ASPRV1: variants seen among roughly 807,000 people sequenced by gnomAD.
ASPRV1 encodes the protein aspartic peptidase retroviral like 1, also known as retroviral-like aspartic protease 1.
A neutral mutation model predicts 11.0 loss-of-function variants in ASPRV1; 7 were observed. The observed-to-expected ratio is 0.64, with a 90% CI of 0.36 to 1.20. The LOEUF (loss-of-function observed/expected upper bound fraction) is 1.20. ASPRV1 is among the 50% of genes most tolerant of loss of function. ASPRV1 has a pLI of 0.02. For synonymous variants in ASPRV1, 136 were observed against 138.4 expected (o/e 0.98, Z 0.12); for missense variants, 299 against 320.0 (o/e 0.93, Z 0.50).
At chr2:70,055,175 C>G in the ASPRV1 span, among the ~76,000 whole-genome samples, 65 of 152,134 alleles carry the variant, frequency 4.3e-4, no homozygotes, top group African/African-American at 1.5e-3. Flanking sequence ...TGGTGGCGCA[C>G]GCCTGTAATC....
chr2:69,986,737 G>T, the ASPRV1 span, among the ~76,000 whole-genome samples: 1 of 152,204 alleles, frequency 6.6e-6, no homozygotes, highest in African/African-American at 2.4e-5. Flanking sequence ...GCTGGGCCAG[G>T]TGTCACCTTG....
chr2:69,965,515 T>C (rs932845472), upstream of ASPRV1, among the ~76,000 whole-genome samples: 1 of 152,168 alleles, frequency 6.6e-6, no homozygotes, highest in Non-Finnish European at 1.5e-5. Flanking sequence ...GTTTACAAAT[T>C]TGTGTTGGGC....
chr2:69,981,916 A>G, the ASPRV1 span, among the ~76,000 whole-genome samples: 1 of 152,164 alleles, frequency 6.6e-6, no homozygotes, highest in Non-Finnish European at 1.5e-5. Flanking sequence ...CTGTAACCCC[A>G]GAGCCAGGTC....
chr2:70,070,247 A>T, the ASPRV1 span: 1 of 152,038 alleles, frequency 6.6e-6, no homozygotes, highest in African/African-American at 2.4e-5. Context: ...GCATAAATAA[A>T]AATTCACAAA....
At chr2:69,979,357 G>A in the ASPRV1 span, among the ~76,000 whole-genome samples, 1 of 152,174 alleles carries the variant, frequency 6.6e-6, no homozygotes, top group Non-Finnish European at 1.5e-5. Flanking sequence ...TTCAGGACCA[G>A]GCAGAAGCCA....
At chr2:70,082,466 T>A in the ASPRV1 span, among the ~76,000 whole-genome samples, 1 of 151,956 alleles carries the variant, frequency 6.6e-6, no homozygotes, top group South Asian at 2.1e-4. Context: ...ATCCCAGAAC[T>A]TTGGGAGGCC....
the ASPRV1 span, among the ~76,000 whole-genome samples, chr2:70,018,596 ATAAAGAACCCAGAAATAAATCTATGTAT>A: frequency 6.6e-6 from 1 of 152,302 alleles, no homozygotes; most frequent in East Asian, 1.9e-4. Flanking sequence ...AAGGAACAAA[ATAAAGAACCCAGAAATAAATCTATGTAT>A]TTACAGTCAA....
upstream of ASPRV1, chr2:69,961,688 T>C (rs917487616): frequency 6.5e-7 from 1 of 1,532,202 alleles, no homozygotes; most frequent in Admixed American, 2.1e-5. Flanking sequence ...GGGCTCCCCA[T>C]TCTCCTTTGT....
In ASPRV1 at chr2:69,961,527, G is replaced by T; in HGVS notation, c.-91C>A. 2 of 1,614,142 alleles carry T rather than the reference G, an allele frequency of 1.2e-6. No individual in the cohort carries two copies. Among genetic ancestry groups the T allele is most frequent in the African/African-American group, 1.3e-5 (1 of 75,036 alleles). On this transcript the variant is annotated 5_prime_UTR_variant, in exon 1 of 1. Transcript: ENST00000320256. The stretch of plus-strand genomic sequence containing the variant: ...TCGGCGCAATCACGCTGGAAAACGG[G>T]GCCTCTCGAAGCAGAGTGGGGATGA...
the ASPRV1 span, among the ~76,000 whole-genome samples, chr2:69,946,600 G>A: frequency 2.0e-5 from 3 of 152,214 alleles, no homozygotes; most frequent in Non-Finnish European, 4.4e-5. Context: ...AACACTGTCT[G>A]GCATGTGACT....
chr2:69,984,734 C>T, the ASPRV1 span, among the ~76,000 whole-genome samples: 1 of 151,358 alleles, frequency 6.6e-6, no homozygotes, highest in African/African-American at 2.4e-5. Flanking sequence ...GATTCTCCTG[C>T]CTCAGCCTAC....
At chr2:69,979,098 G>C in the ASPRV1 span, among the ~76,000 whole-genome samples, 5 of 150,400 alleles carry the variant, frequency 3.3e-5, no homozygotes, top group Non-Finnish European at 7.4e-5. Flanking sequence ...GCAGTGGTGT[G>C]ATCTCGGCTC....
chr2:69,984,746 G>A, the ASPRV1 span, among the ~76,000 whole-genome samples: 66 of 149,890 alleles, frequency 4.4e-4, no homozygotes, highest in Middle Eastern at 3.5e-3. Context: ...TCAGCCTACC[G>A]AGTAGCTGGG....
the ASPRV1 span, among the ~76,000 whole-genome samples, chr2:69,974,060 A>G: frequency 6.6e-6 from 1 of 152,236 alleles, no homozygotes; most frequent in Non-Finnish European, 1.5e-5. Context: ...AATTATTGCC[A>G]GGCATGGTGG....
At chr2:70,024,116 A>C in the ASPRV1 span, among the ~76,000 whole-genome samples, 1 of 152,008 alleles carries the variant, frequency 6.6e-6, no homozygotes, top group Non-Finnish European at 1.5e-5. Context: ...CTAAAGTATT[A>C]AATAATATTA....
At chr2:69,980,341 G>A in the ASPRV1 span, among the ~76,000 whole-genome samples, 1 of 152,214 alleles carries the variant, frequency 6.6e-6, no homozygotes, top group South Asian at 2.1e-4. Flanking sequence ...ATGAATTAAT[G>A]CCCACTAAAG....
the ASPRV1 span, among the ~76,000 whole-genome samples, chr2:69,990,882 G>A: frequency 6.6e-6 from 1 of 152,100 alleles, no homozygotes; most frequent in South Asian, 2.1e-4. Flanking sequence ...TTCATACGCA[G>A]CCTCTAAGAT....
chr2:69,983,386 C>G, the ASPRV1 span, among the ~76,000 whole-genome samples: 2 of 152,190 alleles, frequency 1.3e-5, no homozygotes. Context: ...ATGGGGATTT[C>G]AGCACTGGCC....
the ASPRV1 span, among the ~76,000 whole-genome samples, chr2:70,020,277 G>A: frequency 6.6e-6 from 1 of 152,102 alleles, no homozygotes; most frequent in Non-Finnish European, 1.5e-5. Context: ...GTCCTGAAGA[G>A]GTTATTTATT....
Sources: allele counts gnomAD v4.1 joint callset (sites outside exome capture counted in the v4.1 genomes callset), GRCh38; gene constraint gnomAD v4.1.1; transcripts MANE v1.5; gene names NCBI Gene and HGNC (gene_info 2026-07-23, HGNC 2026-07-21).